VLDLR: variants seen among roughly 807,000 people sequenced by gnomAD.
The protein encoded by VLDLR is very low density lipoprotein receptor, also known as very low-density lipoprotein receptor.
Under a neutral mutation model 112.7 loss-of-function variants are expected in VLDLR, and 81 were observed. That is an observed-to-expected ratio of 0.72 (90% confidence interval 0.60 to 0.86). The LOEUF is 0.86. Among genes scored for constraint, VLDLR ranks in the 40% least tolerant of loss-of-function variants. VLDLR has a pLI of 0.00. For synonymous variants in VLDLR, 436 were observed against 384.8 expected (o/e 1.13, Z -1.56); for missense variants, 1,237 against 1,099.4 (o/e 1.13, Z -1.77).
intron 1 of VLDLR, among the ~76,000 whole-genome samples, chr9:2,632,494 G>C (rs558879945): frequency 6.6e-6 from 1 of 151,882 alleles, no homozygotes; most frequent in East Asian, 1.9e-4. Context: ...AGCTCAACTT[G>C]TTCCCTTTAT....
At chr9:2,651,549 T>C in intron 16 of VLDLR, 51 bp downstream of exon 16, 2 of 1,476,056 alleles carry the variant, frequency 1.4e-6, no homozygotes, top group Non-Finnish European at 1.9e-6. Context: ...AGCCACACTC[T>C]TTGTATCTAC....
chr9:2,650,331 C>G (rs200240182), intron 14 of VLDLR, 39 bp from the exon 15 acceptor site: 33 of 1,612,398 alleles, frequency 2.0e-5, no homozygotes, highest in Non-Finnish European at 2.8e-5. Flanking sequence ...TACTAGGCAC[C>G]GGAATACCCA....
At chr9:2,651,625 A>T (rs759820529) in intron 16 of VLDLR, 127 bp downstream of exon 16, 14 of 961,066 alleles carry the variant, frequency 1.5e-5, no homozygotes, top group Non-Finnish European at 2.2e-5. Context: ...ATATTTAAAC[A>T]CCAAAGACTT....
At chr9:2,622,632 C>A (rs1816869619) in intron 1 of VLDLR, among the ~76,000 whole-genome samples, 2 of 152,230 alleles carry the variant, frequency 1.3e-5, no homozygotes, top group Admixed American at 1.3e-4. Context: ...CTGCCAGGCG[C>A]AGTGTTGGGA....
intron 1 of VLDLR, among the ~76,000 whole-genome samples, chr9:2,632,195 T>G (rs1817378803): frequency 6.6e-6 from 1 of 152,168 alleles, no homozygotes; most frequent in African/African-American, 2.4e-5. Flanking sequence ...TTCAAATTCT[T>G]ACACCAAAAT....
In VLDLR at chr9:2,660,019, G is replaced by T. The variant is rs1818742446; in HGVS notation, c.*6151G>T. 6.6e-6 allele frequency: 1 copy of T among 151,846 alleles called. No individual in the cohort carries two copies. The highest frequency in any genetic ancestry group is 1.5e-5 in the Non-Finnish European group (1 of 67,988). The allele number at this position is 151,846 out of a possible 1,614,324, so 9.4% of individuals were successfully genotyped here. ...TGTCAATAAACTTTTTTTTACTAAT[G>T]AACTGTACATTTAAATAAAAGTTTA... On this transcript the variant is annotated 3_prime_UTR_variant, in exon 19 of 19. Transcript: ENST00000382100.
intron 14 of VLDLR, 124 bp from the exon 15 acceptor site, chr9:2,650,246 T>A: frequency 1.7e-6 from 2 of 1,167,592 alleles, no homozygotes; most frequent in Non-Finnish European, 2.5e-6. Context: ...ACTTGAAGGA[T>A]TAGCAGAGTA....
chr9:2,658,346 G>A lies in VLDLR; in HGVS notation c.*4478G>A, dbSNP rs987163330. The A allele has an allele frequency of 6.6e-6, 1 of 152,210 alleles. No homozygotes were observed. The highest frequency in any genetic ancestry group is 1.5e-5 in the Non-Finnish European group (1 of 68,048). The allele number at this position is 152,210 out of a possible 1,614,324, so 9.4% of individuals were successfully genotyped here. Reference sequence around the variant, plus strand: ...CCTGGCTAATGAGAAAAAGAACAAAGTAGGACCATGACCCAGTGTTCTCCT... The same window carrying A: ...CCTGGCTAATGAGAAAAAGAACAAAATAGGACCATGACCCAGTGTTCTCCT... On this transcript the variant is annotated 3_prime_UTR_variant, in exon 19 of 19. Coordinates refer to ENST00000382100, the MANE Select transcript of VLDLR (RefSeq NM_003383.5).
At chr9:2,635,406 A>C in intron 1 of VLDLR, 47 bp from the exon 2 acceptor site, 1 of 1,612,874 alleles carries the variant, frequency 6.2e-7, no homozygotes, top group Non-Finnish European at 8.5e-7. Flanking sequence ...GGTATCTTGA[A>C]TCTATAACCA....
At chr9:2,647,620 C>G (rs34761809) in intron 12 of VLDLR, 28 bp downstream of exon 12, 2 of 1,557,254 alleles carry the variant, frequency 1.3e-6, no homozygotes, top group Non-Finnish European at 1.8e-6. Flanking sequence ...TCTCGACCAC[C>G]CACTCAACTA....
intron 1 of VLDLR, among the ~76,000 whole-genome samples, chr9:2,633,396 C>G (rs10812377): frequency 0.06 from 9,129 of 152,080 alleles, 712 homozygotes; most frequent in African/African-American, 0.18. Context: ...TACTTAATCC[C>G]AGGCCACTCT....
rs1818647322 is a variant in VLDLR at position 2,657,414 on chromosome 9, T to G, written c.*3546T>G. ...AATCTGAGCCCTTCAGTTTCATAATTGTTTTATCCTGAACGTAGTTGTGAC... is the reference window on the plus strand; with the variant it reads ...AATCTGAGCCCTTCAGTTTCATAATGGTTTTATCCTGAACGTAGTTGTGAC... On this transcript the variant is annotated 3_prime_UTR_variant, in exon 19 of 19. Coordinates refer to ENST00000382100, the MANE Select transcript of VLDLR (RefSeq NM_003383.5). 6.6e-6 allele frequency: 1 copy of G among 152,186 alleles called. No individual in the cohort carries two copies. Among genetic ancestry groups the G allele is most frequent in the Non-Finnish European group, 1.5e-5 (1 of 68,044 alleles). 9.4% of individuals were successfully genotyped at this position (152,186 alleles called of 1,614,324 possible). A position where few individuals can be genotyped will look rare whatever the true frequency, so the allele number is the denominator to read the frequency against.
At chr9:2,644,415 C>T (rs945811505) in intron 7 of VLDLR, among the ~76,000 whole-genome samples, 6 of 150,460 alleles carry the variant, frequency 4.0e-5, no homozygotes, top group African/African-American at 1.2e-4. Context: ...GTGATCCACC[C>T]GCCTCGGCCT....
intron 3 of VLDLR, among the ~76,000 whole-genome samples, chr9:2,640,713 T>G (rs537485267): frequency 3.7e-4 from 56 of 152,278 alleles, no homozygotes; most frequent in African/African-American, 1.2e-3. Context: ...AAAGTGTGAT[T>G]ATGAAAGAAA....
rs1160212188 is a variant in VLDLR, at chr9:2,648,073, G to C, written c.1823-135G>C. The C allele has an allele frequency of 2.4e-6, 3 of 1,230,620 alleles. No individual in the cohort carries two copies. The South Asian group carries it at 3.9e-5, about 16-fold the overall frequency. The allele number at this position is 1,230,620 out of a possible 1,614,324, so 76.2% of individuals were successfully genotyped here. On this transcript the variant is annotated intron_variant, in intron 12 of 18. Coordinates refer to ENST00000382100, the MANE Select transcript of VLDLR (RefSeq NM_003383.5). Reference sequence around the variant, plus strand: ...ACAGGCTCTGCATGCTGCTTCGCAAGGTTTATGGTGACCCCGTTAAGAAAC... The same window carrying C: ...ACAGGCTCTGCATGCTGCTTCGCAACGTTTATGGTGACCCCGTTAAGAAAC...
At chr9:2,633,803 C>T (rs181755398) in intron 1 of VLDLR, among the ~76,000 whole-genome samples, 3 of 152,198 alleles carry the variant, frequency 2.0e-5, no homozygotes, top group East Asian at 3.9e-4. Flanking sequence ...AGACACGTAC[C>T]CTCAGCATTG....
At position 2,641,510 on chromosome 9, in the gene VLDLR, C is replaced by T. The variant is rs773067324; in HGVS notation, c.448+11C>T. 3.1e-6 allele frequency: 5 copies of T among 1,613,960 alleles called. No individual in the cohort carries two copies. The highest frequency in any genetic ancestry group is 3.3e-5 in the Admixed American group (2 of 60,018). ...ATGAAGAAAACTGTGGTAAGAAGATCAGTGTTGAGTGACGTAACCCAAAGA... is the reference window on the plus strand; with the variant it reads ...ATGAAGAAAACTGTGGTAAGAAGATTAGTGTTGAGTGACGTAACCCAAAGA... On this transcript the variant is annotated intron_variant, in intron 4 of 18. Coordinates refer to ENST00000382100, the MANE Select transcript of VLDLR (RefSeq NM_003383.5).
At chr9:2,648,183 T>G in intron 12 of VLDLR, 25 bp from the exon 13 acceptor site, 1 of 1,613,110 alleles carries the variant, frequency 6.2e-7, no homozygotes, top group African/African-American at 1.3e-5. Flanking sequence ...GCTTGTCATG[T>G]AATGACAATT....
In VLDLR at chr9:2,643,152, C is replaced by G. The variant is rs892009000; in HGVS notation, c.449-8C>G. On this transcript the variant is annotated splice_region_variant and splice_polypyrimidine_tract_variant and intron_variant, in intron 4 of 18. Transcript: ENST00000382100. ...GCATTTTCAGTGGGGCATCCTCTCT[C>G]TTAATAGGCAATATAACATGTAGTC... 1.9e-6 allele frequency: 3 copies of G among 1,608,650 alleles called. No individual in the cohort carries two copies. The highest frequency in any genetic ancestry group is 2.2e-5 in the South Asian group (2 of 91,030).
Sources: gnomAD v4.1 joint callset for allele counts (sites outside exome capture counted in the v4.1 genomes callset) on GRCh38, gnomAD v4.1.1 for gene constraint, MANE v1.5 for transcripts, NCBI Gene and HGNC (gene_info 2026-07-23, HGNC 2026-07-21) for gene names.